The following ADGRL3 variants were observed in gnomAD, a reference collection of about 807,000 sequenced individuals.
The protein encoded by ADGRL3 is adhesion G protein-coupled receptor L3, also known as calcium-independent alpha-latrotoxin receptor 3.
Under a neutral mutation model 153.5 loss-of-function variants are expected in ADGRL3, and 62 were observed. The ratio of observed to expected loss-of-function variants is 0.40; its 90% CI spans 0.33 to 0.50. The LOEUF (loss-of-function observed/expected upper bound fraction) is 0.50, where lower values mean the gene tolerates loss of function less well. Among genes scored for constraint, ADGRL3 ranks in the 20% least tolerant of loss-of-function variants. ADGRL3 has a pLI of 0.47. For synonymous variants in ADGRL3, 710 were observed against 672.5 expected (o/e 1.06, Z -0.86); for missense variants, 1,641 against 1,859.4 (o/e 0.88, Z 2.16).
rs1579849412 is a variant in ADGRL3, at chr4:61,611,924, T to A, written c.473+24484T>A. 4.6e-5 allele frequency among the ~76,000 whole-genome samples: 7 copies of A among 152,060 alleles called. 1 individual carries two copies. In the South Asian group the frequency reaches 6.2e-4, roughly 14 times the overall value. On this transcript the variant is annotated intron_variant, in intron 5 of 26. Coordinates refer to ENST00000683033, the MANE Select transcript of ADGRL3 (RefSeq NM_001387552.1). ...ACAGAGTAAGATCGTGTCTAAAAAA[T>A]ATATATATATTATATGGAAAGAAAT...
rs145094827 is a variant in ADGRL3 at position 61,686,664 on chromosome 4, T to A, written c.583+9729T>A. The stretch of plus-strand genomic sequence containing the variant: ...AGAACATTCAAAATACTCTCTTCCA[T>A]CTATTCTGAAATATATAACATGTTA... On this transcript the variant is annotated intron_variant, in intron 6 of 26. Transcript: ENST00000683033. Among the ~76,000 whole-genome samples the A allele has an allele frequency of 4.4e-3, 676 of 152,202 alleles. 13 individuals are homozygous for A. Among genetic ancestry groups the A allele is most frequent in the Non-Finnish European group, 2.0e-3 (137 of 67,980 alleles).
At chr4:61,720,210 C>T (rs2096213743) in intron 6 of ADGRL3, among the ~76,000 whole-genome samples, 1 of 151,698 alleles carries the variant, frequency 6.6e-6, no homozygotes. Flanking sequence ...CTGCCTCAGC[C>T]TCCTGAGTAG....
chr4:61,813,614 T>C (rs1201997789), intron 8 of ADGRL3, among the ~76,000 whole-genome samples, 195 bp from the exon 9 acceptor site: 3 of 152,148 alleles, frequency 2.0e-5, no homozygotes, highest in Non-Finnish European at 4.4e-5. Flanking sequence ...ATAACTCAGA[T>C]TGTTGGAAAA....
At chr4:61,239,448 G>A (rs1048266216) in intron 1 of ADGRL3, among the ~76,000 whole-genome samples, 3 of 152,044 alleles carry the variant, frequency 2.0e-5, no homozygotes, top group African/African-American at 7.2e-5. Context: ...CCACTCCACT[G>A]ATGGCTATTA....
At chr4:61,289,070 A>C (rs2094063075) in intron 1 of ADGRL3, among the ~76,000 whole-genome samples, 1 of 151,954 alleles carries the variant, frequency 6.6e-6, no homozygotes, top group Admixed American at 6.6e-5. Context: ...CGCAATATAG[A>C]GGTTATAAAG....
At chr4:61,586,861 A>G (rs2098948576) in intron 4 of ADGRL3, among the ~76,000 whole-genome samples, 1 of 152,062 alleles carries the variant, frequency 6.6e-6, no homozygotes, top group Non-Finnish European at 1.5e-5. Flanking sequence ...TTAAAAAGAA[A>G]GAAGAAAGGA....
intron 5 of ADGRL3, among the ~76,000 whole-genome samples, chr4:61,668,167 A>C (rs1275689845): frequency 6.6e-6 from 1 of 152,162 alleles, no homozygotes; most frequent in Non-Finnish European, 1.5e-5. Context: ...TGGTCCTTTT[A>C]AGAGGGACAT....
chr4:61,960,403 G>A (rs1213957907), intron 17 of ADGRL3, among the ~76,000 whole-genome samples: 1 of 151,992 alleles, frequency 6.6e-6, no homozygotes. Context: ...CAGTGTGGTT[G>A]GAGTGGAAAA....
chr4:61,219,140 A>G (rs576210899), intron 1 of ADGRL3, among the ~76,000 whole-genome samples: 2 of 152,264 alleles, frequency 1.3e-5, no homozygotes, highest in South Asian at 4.1e-4. Context: ...AGTGGTCTGC[A>G]TTGCATAGTA....
intron 5 of ADGRL3, among the ~76,000 whole-genome samples, chr4:61,629,385 T>C (rs2093017519): frequency 6.6e-6 from 1 of 151,914 alleles, no homozygotes; most frequent in Admixed American, 6.6e-5. Flanking sequence ...CAACTATTAG[T>C]ATCTCAAGTT....
At chr4:61,818,780 T>A (rs1324099500) in intron 9 of ADGRL3, among the ~76,000 whole-genome samples, 1 of 152,188 alleles carries the variant, frequency 6.6e-6, no homozygotes, top group Non-Finnish European at 1.5e-5. Flanking sequence ...TTCCTCTGCA[T>A]GCACAGATCA....
At position 61,224,446 on chromosome 4, in the gene ADGRL3, C is replaced by T. The variant is rs556310261; in HGVS notation, c.-240+22681C>T. ...TTTCCTGATTAAAAATTTATTGCTT[C>T]TTACTAAAGCATTATGTATCTTTAT... On this transcript the variant is annotated intron_variant, in intron 1 of 26. Transcript: ENST00000683033. 1.7e-3 allele frequency among the ~76,000 whole-genome samples: 264 copies of T among 152,254 alleles called. 2 individuals carry two copies. Among genetic ancestry groups the T allele is most frequent in the African/African-American group, 6.3e-3 (260 of 41,552 alleles).
chr4:61,422,634 A>G (rs1300132050), intron 2 of ADGRL3, among the ~76,000 whole-genome samples: 2 of 152,266 alleles, frequency 1.3e-5, no homozygotes, highest in East Asian at 1.9e-4. Context: ...AGACTAATGT[A>G]GATGTTTCAG....
At chr4:61,458,252 T>A (rs2097774525) in intron 2 of ADGRL3, among the ~76,000 whole-genome samples, 1 of 151,472 alleles carries the variant, frequency 6.6e-6, no homozygotes, top group African/African-American at 2.4e-5. Context: ...AACTTTGTTA[T>A]AATATGAAAA....
chr4:61,623,406 G>A (rs1194986400), intron 5 of ADGRL3, among the ~76,000 whole-genome samples: 3 of 151,878 alleles, frequency 2.0e-5, no homozygotes, highest in Non-Finnish European at 4.4e-5. Context: ...AAAAGATTGT[G>A]TTCAAGCAGA....
At chr4:61,867,093 G>C (rs1228271727) in intron 9 of ADGRL3, among the ~76,000 whole-genome samples, 2 of 152,048 alleles carry the variant, frequency 1.3e-5, no homozygotes, top group Non-Finnish European at 2.9e-5. Flanking sequence ...ATAGTAGAAA[G>C]AATTATGATA....
chr4:61,291,212 A>ACACATG (rs1553895017), intron 1 of ADGRL3, among the ~76,000 whole-genome samples: 1 of 24,878 alleles, frequency 4.0e-5, no homozygotes, highest in Non-Finnish European at 1.8e-4. Flanking sequence ...ACACACACAC[A>ACACATG]CACACGCACA....
chr4:61,731,041 T>G (rs2096432742), intron 7 of ADGRL3, among the ~76,000 whole-genome samples: 1 of 152,112 alleles, frequency 6.6e-6, no homozygotes, highest in African/African-American at 2.4e-5. Flanking sequence ...TAAAGTAAGT[T>G]ACTTTAGTCA....
At chr4:61,746,625 T>A (rs1222601754) in intron 8 of ADGRL3, among the ~76,000 whole-genome samples, 2 of 151,962 alleles carry the variant, frequency 1.3e-5, no homozygotes, top group East Asian at 1.9e-4. Flanking sequence ...CATAACGAAA[T>A]GAAGGCAGAA....
Sources: allele counts gnomAD v4.1 joint callset (sites outside exome capture counted in the v4.1 genomes callset), GRCh38; gene constraint gnomAD v4.1.1; transcripts MANE v1.5; gene names NCBI Gene and HGNC (gene_info 2026-07-23, HGNC 2026-07-21).